The following NCOA2 variants were observed in gnomAD, a reference collection of about 807,000 sequenced individuals.
The protein encoded by NCOA2 is class E basic helix-loop-helix protein 75.
NCOA2 carries 21 observed loss-of-function variants against 145.1 expected under a neutral mutation model. The ratio of observed to expected loss-of-function variants is 0.14; its 90% CI spans 0.10 to 0.21. The LOEUF is 0.21. Ranked by LOEUF, NCOA2 falls within the 10% of genes least tolerant of loss-of-function variation. The pLI is 1.00. For missense variants in NCOA2, 1,472 were observed against 1,837.6 expected (o/e 0.80, Z 3.64); for synonymous variants, 619 against 637.5 (o/e 0.97, Z 0.44).
chr8:70,287,558 G>A (rs1199908415), intron 2 of NCOA2, among the ~76,000 whole-genome samples: 2 of 152,156 alleles, frequency 1.3e-5, no homozygotes, highest in African/African-American at 2.4e-5. Context: ...GAGTAGGGCT[G>A]GGCCCTGTTT....
the NCOA2 span, among the ~76,000 whole-genome samples, chr8:70,440,664 G>A: frequency 7.0e-6 from 1 of 142,530 alleles, no homozygotes; most frequent in South Asian, 2.2e-4. Flanking sequence ...AAAGAAAGAG[G>A]GAGAGAGAGA....
At chr8:70,207,327 T>A (rs1162804616) in intron 4 of NCOA2, among the ~76,000 whole-genome samples, 1 of 152,140 alleles carries the variant, frequency 6.6e-6, no homozygotes, top group Non-Finnish European at 1.5e-5. Context: ...ACATCATAAA[T>A]CCTAAAGCAT....
intron 1 of NCOA2, among the ~76,000 whole-genome samples, chr8:70,370,578 A>G (rs1811125783): frequency 6.6e-6 from 1 of 152,142 alleles, no homozygotes; most frequent in Admixed American, 6.5e-5. Flanking sequence ...TCACCTGGAT[A>G]TGTTCTAAGA....
At chr8:70,322,565 G>T (rs1004572860) in intron 1 of NCOA2, among the ~76,000 whole-genome samples, 1 of 152,088 alleles carries the variant, frequency 6.6e-6, no homozygotes, top group African/African-American at 2.4e-5. Context: ...CGTATTAGGA[G>T]GTAAAATTCA....
At chr8:70,402,015 G>C (rs1218243366) in intron 1 of NCOA2, 2 of 152,368 alleles carry the variant, frequency 1.3e-5, no homozygotes, top group African/African-American at 4.8e-5. Context: ...CACAACCCCA[G>C]AAATCAAGGA....
At position 70,320,890 on chromosome 8, in the gene NCOA2, C is replaced by T. The variant is rs12335098; in HGVS notation, c.-76-24090G>A. ...GTCTTTAGTAAGTGTTATGAGTTAT[C>T]TCTATTAAAGAACTAAGGTTTTATC... is the stretch of plus-strand genomic sequence containing the variant. On this transcript the variant is annotated intron_variant, in intron 1 of 22. Transcript: ENST00000452400. Among the ~76,000 whole-genome samples, 1,468 of 152,234 alleles carry T rather than the reference C, an allele frequency of 9.6e-3. 17 individuals are homozygous for T. The highest frequency in any genetic ancestry group is 0.015 in the Non-Finnish European group (1,034 of 67,994).
rs938157244 is a variant in NCOA2 at position 70,128,210 on chromosome 8, G to T, written c.3681+223C>A. Among the ~76,000 whole-genome samples the T allele has an allele frequency of 5.3e-5, 8 of 152,298 alleles. No homozygotes were observed. The South Asian group carries it at 1.7e-3, about 32-fold the overall frequency. ...TCAGTGTTTGCAGTAACTTTATGTA[G>T]CACAACTTCTTAGAATAACAAGAAT... On this transcript the variant is annotated intron_variant, in intron 18 of 22. Coordinates refer to ENST00000452400, the MANE Select transcript of NCOA2 (RefSeq NM_006540.4).
intron 2 of NCOA2, among the ~76,000 whole-genome samples, chr8:70,234,783 A>T (rs1324209563): frequency 6.6e-6 from 1 of 152,220 alleles, no homozygotes; most frequent in Non-Finnish European, 1.5e-5. Context: ...AAGGCCAAAA[A>T]GTAAAAGCAC....
the NCOA2 span, among the ~76,000 whole-genome samples, chr8:70,432,555 C>T: frequency 1.6e-4 from 24 of 152,152 alleles, no homozygotes; most frequent in Middle Eastern, 0.01. Context: ...CCCAGCTACT[C>T]GAAAGGCCGA....
intron 1 of NCOA2, among the ~76,000 whole-genome samples, chr8:70,393,831 A>G (rs943319794): frequency 9.9e-5 from 15 of 152,250 alleles, no homozygotes; most frequent in African/African-American, 3.1e-4. Context: ...TATTGATTGC[A>G]TGAGTGTCCT....
At chr8:70,235,947 T>C (rs1821564537) in intron 2 of NCOA2, among the ~76,000 whole-genome samples, 1 of 152,226 alleles carries the variant, frequency 6.6e-6, no homozygotes, top group African/African-American at 2.4e-5. Context: ...CAGTTATCCC[T>C]ACGGGTTTCC....
chr8:70,238,240 T>C (rs1019723005), intron 2 of NCOA2, among the ~76,000 whole-genome samples: 5 of 152,094 alleles, frequency 3.3e-5, no homozygotes, highest in Non-Finnish European at 5.9e-5. Context: ...TAAAGGAATA[T>C]TTCACAGACA....
intron 2 of NCOA2, among the ~76,000 whole-genome samples, chr8:70,238,409 G>A (rs976185313): frequency 2.4e-5 from 3 of 123,530 alleles, no homozygotes; most frequent in Non-Finnish European, 5.0e-5. Flanking sequence ...TTTTACAGAG[G>A]AGAAAACAGA....
At chr8:70,399,969 C>T (rs893265547) in intron 1 of NCOA2, among the ~76,000 whole-genome samples, 5 of 152,208 alleles carry the variant, frequency 3.3e-5, no homozygotes, top group Non-Finnish European at 5.9e-5. Context: ...GGAAGGACTG[C>T]TCACAGATCC....
At chr8:70,312,371 A>G (rs954055810) in intron 1 of NCOA2, among the ~76,000 whole-genome samples, 1 of 152,204 alleles carries the variant, frequency 6.6e-6, no homozygotes, top group African/African-American at 2.4e-5. Context: ...ACCATCTATC[A>G]GGATTTCCTA....
chr8:70,156,554 C>T lies in NCOA2; in HGVS notation c.1811G>A (p.Cys604Tyr). ...EGTTGQAESS[C>Y]HPGEQKETND... ...TGTTTCCTTTTGCTCTCCAGGATGG[C>T]AGCTGCTCTCTGCTTGTCCAGTTGT... The change falls in exon 11 of 23, where the codon TGC (cysteine) becomes TAC (tyrosine). Residue 604 changes from cysteine (C) to tyrosine (Y), a missense_variant. By Grantham distance (194) the Cys-to-Tyr change is radical. This residue lies in a region of NCOA2 where 953 missense variants were observed against 1,062.1 expected (regional missense o/e 0.90). Coordinates refer to ENST00000452400, the MANE Select transcript of NCOA2 (RefSeq NM_006540.4). 1.2e-6 allele frequency: 2 copies of T among 1,613,916 alleles called. No homozygotes were observed. The highest frequency in any genetic ancestry group is 1.7e-6 in the Non-Finnish European group (2 of 1,179,882).
chr8:70,233,012 G>A (rs1242775264), intron 2 of NCOA2, among the ~76,000 whole-genome samples: 1 of 152,020 alleles, frequency 6.6e-6, no homozygotes, highest in Non-Finnish European at 1.5e-5. Context: ...AGATCACAAG[G>A]TCAAGAGATC....
chr8:70,372,157 ATTT>A (rs1811284450), intron 1 of NCOA2, among the ~76,000 whole-genome samples: 1 of 152,182 alleles, frequency 6.6e-6, no homozygotes, highest in Admixed American at 6.5e-5. Flanking sequence ...CATAAAATAC[ATTT>A]ATTTTGAAAC....
the NCOA2 span, among the ~76,000 whole-genome samples, chr8:70,441,539 AAGAG>A: frequency 2.6e-5 from 4 of 151,052 alleles, no homozygotes; most frequent in East Asian, 5.9e-4. Context: ...AAAGGAAAGA[AAGAG>A]AGAGAAAGAA....
Sources: gnomAD v4.1 joint callset for allele counts (sites outside exome capture counted in the v4.1 genomes callset) on GRCh38, gnomAD v4.1.1 for gene constraint, gnomAD v4.1.1 regional missense constraint, MANE v1.5 for transcripts, NCBI Gene and HGNC (gene_info 2026-07-23, HGNC 2026-07-21) for gene names.